The following RBSN variants were observed in gnomAD, a reference collection of about 807,000 sequenced individuals.
The protein encoded by RBSN is rabenosyn-5.
Under a neutral mutation model 60.5 loss-of-function variants are expected in RBSN, and 34 were observed. That is an observed-to-expected ratio of 0.56 (90% CI 0.43 to 0.75). RBSN has a LOEUF of 0.75. Ranked by LOEUF, RBSN falls within the 30% of genes least tolerant of loss-of-function variation. RBSN has a pLI of 0.00. For synonymous variants in RBSN, 322 were observed against 366.9 expected (o/e 0.88, Z 1.40); for missense variants, 845 against 986.8 (o/e 0.86, Z 1.92).
chr3:15,095,668 A>G (rs1466178523), intron 4 of RBSN: 1 of 519,436 alleles, frequency 1.9e-6, no homozygotes, highest in Non-Finnish European at 3.4e-6. Context: ...CAGTCAAGCC[A>G]GATCACAGCA....
At chr3:15,087,955 C>T (rs1253680050) in intron 5 of RBSN, among the ~76,000 whole-genome samples, 1 of 152,158 alleles carries the variant, frequency 6.6e-6, no homozygotes, top group Non-Finnish European at 1.5e-5. Context: ...CATGTCTTTT[C>T]TTCCCTAATC....
Position 15,074,176 on chromosome 3 carries a change from G to A in RBSN, c.1961C>T (p.Ser654Leu). ...PPAAGVSLDP[S>L]ARILKEYNPF... ...ATTGTACTCTTTCAGGATGCGGGCT[G>A]AAGGGTCTAAGGAAACCCCTGCAGC... The change falls in exon 14 of 14, where the codon TCA (serine) becomes TTA (leucine). Residue 654 changes from serine to leucine, a missense_variant. Ser to Leu is a moderately radical substitution (Grantham distance 145). Transcript: ENST00000253699. The surrounding 1 kb of genome is among the most constrained non-coding windows in gnomAD (Gnocchi z 6.4). 6 of 1,613,378 alleles carry A rather than the reference G, an allele frequency of 3.7e-6. No individual in the cohort carries two copies. The highest frequency in any genetic ancestry group is 5.1e-6 in the Non-Finnish European group (6 of 1,179,568).
In RBSN at chr3:15,082,338, T is replaced by C. The variant is rs1370685146; in HGVS notation, c.840+29A>G. The C allele has an allele frequency of 4.4e-6, 7 of 1,596,616 alleles. No homozygotes were observed. Among genetic ancestry groups the C allele is most frequent in the Middle Eastern group, 1.7e-4 (1 of 6,008 alleles). ...AAACAGCCAAATCTGCCTAAGAAAT[T>C]AGACCCAAGACCAGACAGCGCGAAT... On this transcript the variant is annotated intron_variant, in intron 9 of 13. Transcript: ENST00000253699. This position sits in a 1 kb window ranked among gnomAD's most constrained non-coding sequence, Gnocchi z 4.2.
At chr3:15,098,575 G>A (rs759798353) in intron 1 of RBSN, among the ~76,000 whole-genome samples, 1 of 150,066 alleles carries the variant, frequency 6.7e-6, no homozygotes, top group Non-Finnish European at 1.5e-5. Context: ...CACTCAACCC[G>A]GCCTCACGAT....
rs2042921150 is a variant in RBSN at position 15,071,278 on chromosome 3, C to A, written c.*2504G>T. The A allele has an allele frequency of 6.6e-6, 1 of 152,158 alleles. No individual in the cohort carries two copies. Among genetic ancestry groups the A allele is most frequent in the South Asian group, 2.1e-4 (1 of 4,824 alleles). 9.4% of individuals were successfully genotyped at this position (152,158 alleles called of 1,614,324 possible). A position where few individuals can be genotyped will look rare whatever the true frequency, so the allele number is the denominator to read the frequency against. On this transcript the variant is annotated 3_prime_UTR_variant, in exon 14 of 14. Coordinates refer to ENST00000253699, the MANE Select transcript of RBSN (RefSeq NM_022340.4). ...TAGCTAATTAAAAGAGAAATGTTCT[C>A]ACAAGAAAAATAATTATGATGGAAA... is the stretch of plus-strand genomic sequence containing the variant.
At chr3:15,080,567 G>T (rs2043178375) in intron 10 of RBSN, among the ~76,000 whole-genome samples, 165 bp downstream of exon 10, 1 of 152,148 alleles carries the variant, frequency 6.6e-6, no homozygotes, top group Non-Finnish European at 1.5e-5. Flanking sequence ...ACATGAAGAT[G>T]ATTCTCTTCA....
intron 9 of RBSN, among the ~76,000 whole-genome samples, chr3:15,081,955 T>G (rs1171314338): frequency 1.3e-5 from 2 of 152,212 alleles, no homozygotes; most frequent in Non-Finnish European, 1.5e-5. Flanking sequence ...CCTGAAAACT[T>G]GTAGAACTTT....
At chr3:15,091,222 A>C in intron 4 of RBSN, 1 of 291,014 alleles carries the variant, frequency 3.4e-6, no homozygotes, top group Non-Finnish European at 5.0e-6. Context: ...AAAAAAAAAA[A>C]AAAAAAAAAA....
At chr3:15,089,763 AC>A (rs1456617801) in intron 5 of RBSN, among the ~76,000 whole-genome samples, 2 of 151,922 alleles carry the variant, frequency 1.3e-5, no homozygotes, top group African/African-American at 4.8e-5. Flanking sequence ...GGCGCCCGCC[AC>A]CACGCCCGGC....
At chr3:15,089,494 A>ATATGTAAGAT (rs1215338561) in intron 5 of RBSN, among the ~76,000 whole-genome samples, 1 of 147,982 alleles carries the variant, frequency 6.8e-6, no homozygotes. Flanking sequence ...AAAAAAACAG[A>ATATGTAAGAT]TATGTAAGAT....
In RBSN at chr3:15,082,354, C is replaced by G; in HGVS notation, c.840+13G>C. 6.2e-7 allele frequency: 1 copy of G among 1,603,694 alleles called. No homozygotes were observed. The highest frequency in any genetic ancestry group is 8.5e-7 in the Non-Finnish European group (1 of 1,171,058). Reference sequence around the variant, plus strand: ...CTAAGAAATTAGACCCAAGACCAGACAGCGCGAATCACCTCGTAGAGCTTC... The same window carrying G: ...CTAAGAAATTAGACCCAAGACCAGAGAGCGCGAATCACCTCGTAGAGCTTC... On this transcript the variant is annotated intron_variant, in intron 9 of 13. Transcript: ENST00000253699. This position sits in a 1 kb window ranked among gnomAD's most constrained non-coding sequence, Gnocchi z 4.2.
Position 15,073,993 on chromosome 3 carries a change from G to C in RBSN, c.2144C>G (p.Thr715Ser). 6.2e-7 allele frequency: 1 copy of C among 1,614,046 alleles called. No individual in the cohort carries two copies. Among genetic ancestry groups the C allele is most frequent in the Non-Finnish European group, 8.5e-7 (1 of 1,179,982 alleles). The change falls in exon 14 of 14, where the codon ACC (threonine) becomes AGC (serine). Residue 715 changes from threonine to serine, a missense_variant. Coordinates refer to ENST00000253699, the MANE Select transcript of RBSN (RefSeq NM_022340.4). Reference sequence around the variant, plus strand: ...GTCCATCTCAAAGGGGTTGATACAGGTGGGTTCCTCAAAGGGGTTACCAGG... The same window carrying C: ...GTCCATCTCAAAGGGGTTGATACAGCTGGGTTCCTCAAAGGGGTTACCAGG... ...LVPGNPFEEP[T>S]CINPFEMDSD...
At chr3:15,080,504 GCTGT>G (rs2043176544) in intron 10 of RBSN, among the ~76,000 whole-genome samples, 1 of 152,140 alleles carries the variant, frequency 6.6e-6, no homozygotes. Context: ...ACTGAATGTG[GCTGT>G]CTTTCTACAA....
intron 5 of RBSN, among the ~76,000 whole-genome samples, chr3:15,088,322 C>G (rs895618571): frequency 1.9e-4 from 29 of 151,984 alleles, no homozygotes; most frequent in African/African-American, 7.0e-4. Flanking sequence ...CAAAATTTCT[C>G]CTTCATGTTT....
At chr3:15,098,997 C>G (rs931665404) in intron 1 of RBSN, 38 bp downstream of exon 1, 2 of 152,576 alleles carry the variant, frequency 1.3e-5, no homozygotes, top group Non-Finnish European at 2.9e-5. Context: ...GGAGTCGTGT[C>G]CCCGCCCCCC....
Position 15,082,666 on chromosome 3 carries a change from C to A in RBSN, c.599-58G>T. The A allele has an allele frequency of 6.3e-7, 1 of 1,583,654 alleles. No homozygotes were observed. On this transcript the variant is annotated intron_variant, in intron 8 of 13. Coordinates refer to ENST00000253699, the MANE Select transcript of RBSN (RefSeq NM_022340.4). The surrounding 1 kb of genome is among the most constrained non-coding windows in gnomAD (Gnocchi z 4.2). The stretch of plus-strand genomic sequence containing the variant: ...CCCCACAGCATCCAATTACCATACC[C>A]ACGACCTCAAGGTGTCAGTCCACAG...
At position 15,082,229 on chromosome 3, in the gene RBSN, C is replaced by A; in HGVS notation, c.840+138G>T. 1 of 1,184,504 alleles carries A rather than the reference C, an allele frequency of 8.4e-7. No homozygotes were observed. The allele number at this position is 1,184,504 out of a possible 1,614,324, so 73.4% of individuals were successfully genotyped here. A position where few individuals can be genotyped will look rare whatever the true frequency, so the allele number is the denominator to read the frequency against. On this transcript the variant is annotated intron_variant, in intron 9 of 13. Coordinates refer to ENST00000253699, the MANE Select transcript of RBSN (RefSeq NM_022340.4). The surrounding 1 kb of genome is among the most constrained non-coding windows in gnomAD (Gnocchi z 4.2). ...CAGGGCCCTAGCTGGGAAATCATAA[C>A]ATGGGCCTTTAACAGGAACTACAAA...
Position 15,073,846 on chromosome 3 carries a change from A to G in RBSN, c.2291T>C (p.Val764Ala), listed in dbSNP as rs755266924. Residue 764 changes from valine (V) to alanine (A), a missense_variant, in exon 14 of 14, where the codon GTG (valine) becomes GCG (alanine). Physicochemically the swap from Val to Ala is moderately conservative, Grantham distance 64 (BLOSUM62 0). Transcript: ENST00000253699. ...KQCGRLDEVE[V>A]LTENLRELKH... The stretch of plus-strand genomic sequence containing the variant: ...CAGCTCCCGCAGATTCTCTGTCAGC[A>G]CCTCTACCTCATCCAGGCGGCCGCA... 10 of 1,613,466 alleles carry G rather than the reference A, an allele frequency of 6.2e-6. No individual in the cohort carries two copies. In the Admixed American group the frequency reaches 1.7e-4, roughly 27 times the overall value.
chr3:15,089,479 A>AAAAAAAAAAAC (rs2043447110), intron 5 of RBSN, among the ~76,000 whole-genome samples: 30 of 104,038 alleles, frequency 2.9e-4, no homozygotes, highest in Non-Finnish European at 3.2e-4. Flanking sequence ...AAAAAAAAAC[A>AAAAAAAAAAAC]AAAAAAAAAA....
Sources: gnomAD v4.1 joint callset for allele counts (sites outside exome capture counted in the v4.1 genomes callset) on GRCh38, gnomAD v4.1.1 for gene constraint, Gnocchi (gnomAD v3.1) non-coding constraint, MANE v1.5 for transcripts, NCBI Gene and HGNC (gene_info 2026-07-23, HGNC 2026-07-21) for gene names.